Variants in SCAI observed in about 807,000 individuals in gnomAD.
SCAI encodes protein SCAI.
Under a neutral mutation model 92.2 loss-of-function variants are expected in SCAI, and 24 were observed. The ratio of observed to expected loss-of-function variants is 0.26; its 90% CI spans 0.19 to 0.37. The LOEUF is 0.37. Ranked by LOEUF, SCAI falls within the 10% of genes least tolerant of loss-of-function variation. The pLI is 1.00. For missense variants in SCAI, 450 were observed against 736.2 expected, an observed-to-expected ratio of 0.61 and a Z score of 4.50; for synonymous variants, 261 against 258.6, an observed-to-expected ratio of 1.01 and a Z score of -0.09.
chr9:124,968,209 A>C (rs1831577172), intron 17 of SCAI: 3 of 833,606 alleles, frequency 3.6e-6, no homozygotes, highest in Middle Eastern at 3.7e-4. Context: ...CAAAAAACGA[A>C]AAACAAAAAA....
At chr9:125,127,470 C>T (rs977608903) in intron 2 of SCAI, among the ~76,000 whole-genome samples, 2 of 150,004 alleles carry the variant, frequency 1.3e-5, no homozygotes, top group East Asian at 2.0e-4. Context: ...GCTCAAACTA[C>T]GCTCTCACCT....
chr9:125,050,071 A>G (rs1833528505), intron 3 of SCAI, among the ~76,000 whole-genome samples: 1 of 151,866 alleles, frequency 6.6e-6, no homozygotes, highest in Admixed American at 6.6e-5. Flanking sequence ...CAACATGTGG[A>G]AAAGGAGAAA....
At chr9:125,128,683 G>A (rs1835329993) in intron 2 of SCAI, among the ~76,000 whole-genome samples, 2 of 151,840 alleles carry the variant, frequency 1.3e-5, no homozygotes, top group Admixed American at 6.6e-5. Context: ...AACCCAGGAG[G>A]CAGAGCTTGC....
chr9:124,964,629 T>A (rs984998442), intron 17 of SCAI, among the ~76,000 whole-genome samples: 6 of 152,194 alleles, frequency 3.9e-5, no homozygotes, highest in African/African-American at 1.4e-4. Flanking sequence ...AGGCTGACAT[T>A]GTGTTCTGGG....
chr9:124,993,775 C>T (rs1832182763), intron 14 of SCAI, among the ~76,000 whole-genome samples: 1 of 152,064 alleles, frequency 6.6e-6, no homozygotes, highest in Admixed American at 6.6e-5. Context: ...GGTCAGCTCT[C>T]TTGGCTACCA....
intron 2 of SCAI, among the ~76,000 whole-genome samples, chr9:125,135,867 G>T (rs1280758348): frequency 6.6e-6 from 1 of 150,566 alleles, no homozygotes; most frequent in Non-Finnish European, 1.5e-5. Context: ...TACTCAGGAG[G>T]CTGAGGCAGG....
chr9:124,999,846 C>G (rs765118629), intron 13 of SCAI, 45 bp downstream of exon 13: 1 of 953,728 alleles, frequency 1.0e-6, no homozygotes, highest in Admixed American at 2.5e-5. Context: ...TATTTATAGA[C>G]AGAGGTATAA....
chr9:125,090,358 G>GGAA (rs149253306), intron 2 of SCAI, among the ~76,000 whole-genome samples: 3,498 of 151,948 alleles, frequency 0.023, 141 homozygotes, highest in African/African-American at 0.081. Context: ...GAGAGGAGGA[G>GGAA]GAAGAAAGAG....
rs1254303558 is a variant in SCAI, at chr9:125,032,191, A to ATTTTT, written c.231-2453_231-2452insAAAAA. ...AATGAATATATATATATATATATAT[A>ATTTTT]TATATTTTTTTTTTTTTTTGAGATG... On this transcript the variant is annotated intron_variant, in intron 3 of 17. Coordinates refer to ENST00000336505, the MANE Select transcript of SCAI (RefSeq NM_001144877.3). Among the ~76,000 whole-genome samples the ATTTTT allele has an allele frequency of 5.5e-3, 442 of 80,526 alleles. 2 individuals are homozygous for ATTTTT. Among genetic ancestry groups the ATTTTT allele is most frequent in the African/African-American group, 0.023 (414 of 18,254 alleles). The allele number at this position is 80,526 out of a possible 152,430, so 52.8% of individuals were successfully genotyped here.
chr9:125,050,426 C>G (rs930793692), intron 3 of SCAI, among the ~76,000 whole-genome samples: 1 of 152,096 alleles, frequency 6.6e-6, no homozygotes, highest in East Asian at 1.9e-4. Context: ...ATCTTCTTTA[C>G]GCAGGAAACA....
At chr9:124,966,075 A>G (rs1235217164) in intron 17 of SCAI, among the ~76,000 whole-genome samples, 2 of 152,310 alleles carry the variant, frequency 1.3e-5, no homozygotes, top group East Asian at 3.9e-4. Flanking sequence ...GATTTTATGC[A>G]GTTATGATTT....
chr9:125,069,617 CTT>C (rs919064250), intron 2 of SCAI, among the ~76,000 whole-genome samples: 1,382 of 90,896 alleles, frequency 0.015, 13 homozygotes, highest in African/African-American at 0.063. Context: ...TGCACCCGGT[CTT>C]TTTTTTTTTT....
chr9:125,076,515 C>G (rs1464340120), intron 2 of SCAI, among the ~76,000 whole-genome samples: 1 of 151,216 alleles, frequency 6.6e-6, no homozygotes, highest in African/African-American at 2.4e-5. Flanking sequence ...AAAAACAAAA[C>G]AAAACAAAAC....
At chr9:125,049,381 T>C (rs1226007144) in intron 3 of SCAI, among the ~76,000 whole-genome samples, 1 of 152,216 alleles carries the variant, frequency 6.6e-6, no homozygotes, top group South Asian at 2.1e-4. Flanking sequence ...TCACTAAGTA[T>C]TCCATTCTGC....
At chr9:124,969,304 C>CTGA (rs769486428) in intron 17 of SCAI, among the ~76,000 whole-genome samples, 2 of 152,034 alleles carry the variant, frequency 1.3e-5, no homozygotes, top group Non-Finnish European at 2.9e-5. Context: ...AAATAATATT[C>CTGA]TGAAACCAAA....
intron 2 of SCAI, among the ~76,000 whole-genome samples, chr9:125,112,563 C>T (rs1325679619): frequency 6.6e-6 from 1 of 152,212 alleles, no homozygotes; most frequent in Non-Finnish European, 1.5e-5. Context: ...AGGCTTGTCA[C>T]ATGACAAACA....
intron 2 of SCAI, among the ~76,000 whole-genome samples, chr9:125,079,787 G>A (rs1029244474): frequency 2.0e-5 from 3 of 152,084 alleles, no homozygotes; most frequent in Non-Finnish European, 2.9e-5. Flanking sequence ...GTATTTCACG[G>A]AACATGAGGA....
intron 17 of SCAI, among the ~76,000 whole-genome samples, 196 bp from the exon 18 acceptor site, chr9:124,953,149 A>G (rs933957106): frequency 1.4e-4 from 21 of 152,220 alleles, no homozygotes; most frequent in Admixed American, 1.2e-3. Flanking sequence ...AGATGAATCA[A>G]TGTAATATAT....
At chr9:125,086,929 AAG>A (rs1454912464) in intron 2 of SCAI, among the ~76,000 whole-genome samples, 1 of 152,224 alleles carries the variant, frequency 6.6e-6, no homozygotes, top group East Asian at 1.9e-4. Flanking sequence ...AAGTGTTTAG[AAG>A]AGAGTCTGGC....
Sources: allele counts gnomAD v4.1 joint callset (sites outside exome capture counted in the v4.1 genomes callset), GRCh38; gene constraint gnomAD v4.1.1; transcripts MANE v1.5; gene names NCBI Gene and HGNC (gene_info 2026-07-23, HGNC 2026-07-21).